The following ADD3 variants were observed in gnomAD, a reference collection of about 807,000 sequenced individuals.
ADD3 encodes gamma-adducin.
A neutral mutation model predicts 80.2 loss-of-function variants in ADD3; 25 were observed. The ratio of observed to expected loss-of-function variants is 0.31; its 90% CI spans 0.23 to 0.44. The LOEUF is 0.44. ADD3 is among the 20% of genes least tolerant of loss of function. ADD3 has a pLI of 1.00. For synonymous variants in ADD3, 284 were observed against 289.6 expected, an observed-to-expected ratio of 0.98 and a Z score of 0.20; for missense variants, 829 against 847.5, an observed-to-expected ratio of 0.98 and a Z score of 0.27.
intron 1 of ADD3, among the ~76,000 whole-genome samples, chr10:110,031,681 G>A (rs142236182): frequency 2.0e-3 from 301 of 151,602 alleles, no homozygotes; most frequent in African/African-American, 7.0e-3. Flanking sequence ...ACTTTAATGC[G>A]CCACCCTCCT....
chr10:110,069,085 A>T (rs1326823663), intron 1 of ADD3, among the ~76,000 whole-genome samples: 1 of 152,096 alleles, frequency 6.6e-6, no homozygotes, highest in Non-Finnish European at 1.5e-5. Flanking sequence ...TTAAAAAAAA[A>T]AAATTGCCTG....
chr10:110,097,661 T>A (rs1564972167), intron 1 of ADD3, among the ~76,000 whole-genome samples: 1 of 152,208 alleles, frequency 6.6e-6, no homozygotes, highest in Non-Finnish European at 1.5e-5. Context: ...CTGATGTCCT[T>A]TTCCTGGTCT....
intron 1 of ADD3, among the ~76,000 whole-genome samples, chr10:110,077,893 GA>G (rs1220861663): frequency 6.6e-6 from 1 of 151,964 alleles, no homozygotes; most frequent in East Asian, 1.9e-4. Context: ...TGGGCATGTA[GA>G]GAGAGAGAGG....
intron 1 of ADD3, among the ~76,000 whole-genome samples, chr10:110,071,875 G>A (rs918541136): frequency 6.6e-6 from 1 of 152,038 alleles, no homozygotes; most frequent in African/African-American, 2.4e-5. Context: ...ATCATTGTAG[G>A]TTATGTTGTG....
At chr10:110,000,042 C>T (rs1384775277) in intron 1 of ADD3, among the ~76,000 whole-genome samples, 1 of 151,812 alleles carries the variant, frequency 6.6e-6, no homozygotes, top group African/African-American at 2.4e-5. Flanking sequence ...GCCTCAGCCT[C>T]CTGAGTAGCT....
intron 1 of ADD3, among the ~76,000 whole-genome samples, chr10:110,063,773 AT>A (rs1843555013): frequency 1.6e-5 from 2 of 121,852 alleles, no homozygotes; most frequent in African/African-American, 6.4e-5. Context: ...ATATATATAT[AT>A]ATATATATAA....
At chr10:110,090,503 G>A (rs937801791) in intron 1 of ADD3, among the ~76,000 whole-genome samples, 1 of 152,092 alleles carries the variant, frequency 6.6e-6, no homozygotes, top group Non-Finnish European at 1.5e-5. Context: ...TTACAGGTGT[G>A]AGCCACCATG....
intron 1 of ADD3, among the ~76,000 whole-genome samples, chr10:110,062,957 A>G (rs560076621): frequency 1.5e-3 from 235 of 152,324 alleles, no homozygotes; most frequent in Middle Eastern, 3.4e-3. Context: ...ATATTTCGGG[A>G]TCTGTTCTGA....
At chr10:110,090,355 G>A (rs1847342270) in intron 1 of ADD3, among the ~76,000 whole-genome samples, 2 of 151,824 alleles carry the variant, frequency 1.3e-5, no homozygotes, top group African/African-American at 4.8e-5. Flanking sequence ...AAGTAGCTAG[G>A]ACTATAGGCA....
rs1564913817 is a variant in ADD3 at position 110,063,740 on chromosome 10, TATATATATATA to T, written c.-29-36884_-29-36874del. Among the ~76,000 whole-genome samples the T allele has an allele frequency of 4.7e-3, 104 of 21,964 alleles. 1 individual carries two copies. Among genetic ancestry groups the T allele is most frequent in the African/African-American group, 0.015 (96 of 6,400 alleles). The allele number at this position is 21,964 out of a possible 152,430, so 14.4% of individuals were successfully genotyped here. On this transcript the variant is annotated intron_variant, in intron 1 of 14. Coordinates refer to ENST00000356080, the MANE Select transcript of ADD3 (RefSeq NM_016824.5). ...TGAATATGAATATATATATTCATTA[TATATATATATA>T]TATATATATATATATATATATATAT...
chr10:110,120,523 G>C (rs1332681717), intron 8 of ADD3, among the ~76,000 whole-genome samples: 1 of 151,888 alleles, frequency 6.6e-6, no homozygotes, highest in Non-Finnish European at 1.5e-5. Context: ...GAATAATGCC[G>C]CAATAAACAT....
At chr10:110,017,910 G>A (rs1040538495) in intron 1 of ADD3, among the ~76,000 whole-genome samples, 1 of 152,158 alleles carries the variant, frequency 6.6e-6, no homozygotes, top group Admixed American at 6.5e-5. Context: ...AAAGGTTGGG[G>A]ATCATTGTTT....
At chr10:110,021,497 T>C (rs1181610902) in intron 1 of ADD3, among the ~76,000 whole-genome samples, 1 of 152,244 alleles carries the variant, frequency 6.6e-6, no homozygotes, top group East Asian at 1.9e-4. Context: ...GATAAACAAA[T>C]GCGGTATCCA....
Position 110,122,604 on chromosome 10 carries a change from C to T in ADD3, c.1143+312C>T, listed in dbSNP as rs527917085. 3.0e-5 allele frequency among the ~76,000 whole-genome samples: 4 copies of T among 132,516 alleles called. No individual in the cohort carries two copies. In the East Asian group the frequency reaches 9.7e-4, roughly 32 times the overall value. The allele number at this position is 132,516 out of a possible 152,430, so 86.9% of individuals were successfully genotyped here. On this transcript the variant is annotated intron_variant, in intron 9 of 14. Transcript: ENST00000356080. ...TCTCCCCACCCCCACCTCCTTGTAA[C>T]CACTATTCTACTCTACTTTTATGAG...
At position 110,027,957 on chromosome 10, in the gene ADD3, G is replaced by GC. The variant is rs146465703; in HGVS notation, c.-30+19658_-30+19659insC. Reference sequence around the variant, plus strand: ...GAGGAGAGCTTGGGTAGAAAAGGTTGTGGGGGGAAGAAAAGTTGGGACAGG... The same window carrying GC: ...GAGGAGAGCTTGGGTAGAAAAGGTTGCTGGGGGGAAGAAAAGTTGGGACAGG... On this transcript the variant is annotated intron_variant, in intron 1 of 14. Transcript: ENST00000356080. Among the ~76,000 whole-genome samples the GC allele has an allele frequency of 6.3e-3, 955 of 152,254 alleles. 12 individuals carry two copies. The highest frequency in any genetic ancestry group is 0.018 in the African/African-American group (751 of 41,548).
At chr10:110,094,642 A>G (rs192204897) in intron 1 of ADD3, among the ~76,000 whole-genome samples, 101 of 152,268 alleles carry the variant, frequency 6.6e-4, no homozygotes, top group East Asian at 1.9e-3. Flanking sequence ...TGTCAGTTGT[A>G]TATAAAATTT....
chr10:110,114,765 T>C (rs1003673159), intron 3 of ADD3, among the ~76,000 whole-genome samples: 1 of 152,152 alleles, frequency 6.6e-6, no homozygotes, highest in African/African-American at 2.4e-5. Context: ...TTCATGTTAT[T>C]GCGTTGTAGG....
intron 1 of ADD3, among the ~76,000 whole-genome samples, chr10:110,009,196 A>G (rs1277378068): frequency 6.6e-6 from 1 of 152,196 alleles, no homozygotes; most frequent in African/African-American, 2.4e-5. Context: ...AATTTAACTT[A>G]GCCAAGAGGC....
intron 10 of ADD3, 148 bp downstream of exon 10, chr10:110,124,422 A>C: frequency 2.1e-6 from 2 of 942,718 alleles, no homozygotes; most frequent in South Asian, 3.6e-5. Context: ...TGTGCAAGAC[A>C]CTCTTCTAAG....
Sources: gnomAD v4.1 joint callset for allele counts (sites outside exome capture counted in the v4.1 genomes callset) on GRCh38, gnomAD v4.1.1 for gene constraint, MANE v1.5 for transcripts, NCBI Gene and HGNC (gene_info 2026-07-23, HGNC 2026-07-21) for gene names.